MAP2: variants seen among roughly 807,000 people sequenced by gnomAD.
MAP2 encodes the protein microtubule associated protein 2, also known as microtubule-associated protein 2.
A neutral mutation model predicts 137.6 loss-of-function variants in MAP2; 14 were observed. The ratio of observed to expected loss-of-function variants is 0.10; its 90% CI spans 0.07 to 0.16. The LOEUF is 0.16. MAP2 is among the 10% of genes least tolerant of loss of function. MAP2 has a pLI of 1.00. For synonymous variants in MAP2, 786 were observed against 782.3 expected, an observed-to-expected ratio of 1.00 and a Z score of -0.08; for missense variants, 2,088 against 2,191.5, an observed-to-expected ratio of 0.95 and a Z score of 0.94.
Position 209,588,082 on chromosome 2 carries a change from G to A in MAP2, c.-107+7982G>A, listed in dbSNP as rs376340230. Among the ~76,000 whole-genome samples the A allele has an allele frequency of 3.3e-5, 5 of 152,106 alleles. 1 individual carries two copies. In the South Asian group the frequency reaches 8.3e-4, roughly 25 times the overall value. ...GATACTCTAGATGCACATTCAAGTCGAAGCTAAGAAAAATGAGTGTTGTAC... is the reference window on the plus strand; with the variant it reads ...GATACTCTAGATGCACATTCAAGTCAAAGCTAAGAAAAATGAGTGTTGTAC... On this transcript the variant is annotated intron_variant, in intron 3 of 15. Transcript: ENST00000682079.
chr2:209,473,785 A>G (rs1355406364), intron 1 of MAP2, among the ~76,000 whole-genome samples: 2 of 152,154 alleles, frequency 1.3e-5, no homozygotes, highest in Non-Finnish European at 2.9e-5. Flanking sequence ...AGAACTTAGG[A>G]AATAGAACTA....
chr2:209,514,024 A>T (rs999073689), intron 2 of MAP2, among the ~76,000 whole-genome samples: 1 of 152,180 alleles, frequency 6.6e-6, no homozygotes, highest in African/African-American at 2.4e-5. Context: ...TATCCTAAGG[A>T]TTAAATGGTC....
rs538813808 is a variant in MAP2, at chr2:209,521,538, T to C, written c.-172+13897T>C. 2.6e-5 allele frequency among the ~76,000 whole-genome samples: 4 copies of C among 152,124 alleles called. No homozygotes were observed. In the South Asian group the frequency reaches 8.3e-4, roughly 32 times the overall value. On this transcript the variant is annotated intron_variant, in intron 2 of 15. Transcript: ENST00000682079. ...TGTTTATGCTTCCTTCCTTGCTTCTTGTAAACTCTTTAATCTTATTTAAAA... is the reference window on the plus strand; with the variant it reads ...TGTTTATGCTTCCTTCCTTGCTTCTCGTAAACTCTTTAATCTTATTTAAAA...
chr2:209,492,277 A>G (rs1310031898), intron 1 of MAP2, among the ~76,000 whole-genome samples: 2 of 152,224 alleles, frequency 1.3e-5, no homozygotes, highest in African/African-American at 4.8e-5. Context: ...CTAGGTATTG[A>G]TGAAACATAT....
chr2:209,717,033 G>A (rs2067962729), intron 13 of MAP2, among the ~76,000 whole-genome samples: 2 of 152,070 alleles, frequency 1.3e-5, no homozygotes, highest in African/African-American at 2.4e-5. Context: ...GGAGGAAGAA[G>A]GGAATAAAAT....
chr2:209,709,548 G>A (rs907515112), intron 12 of MAP2, among the ~76,000 whole-genome samples: 1 of 151,992 alleles, frequency 6.6e-6, no homozygotes, highest in South Asian at 2.1e-4. Flanking sequence ...AGTAAATATG[G>A]GTCTGCATAC....
intron 2 of MAP2, among the ~76,000 whole-genome samples, chr2:209,564,326 A>G (rs1390254416): frequency 6.6e-6 from 1 of 152,138 alleles, no homozygotes; most frequent in Non-Finnish European, 1.5e-5. Context: ...TTGGTTTTGT[A>G]TGTACAAGAG....
rs1402645623 is a variant in MAP2 at position 209,695,685 on chromosome 2, A to G, written c.3515A>G (p.Glu1172Gly). 1.2e-6 allele frequency: 2 copies of G among 1,613,982 alleles called. No homozygotes were observed. The highest frequency in any genetic ancestry group is 2.7e-5 in the African/African-American group (2 of 74,912). The change falls in exon 8 of 16, where the codon GAA becomes GGA. Residue 1172 changes from glutamate (E) to glycine (G), a missense_variant. Around this residue, in one of 6 missense-constraint regions of MAP2, gnomAD observed 591 missense variants for 642.6 expected, o/e 0.92. Coordinates refer to ENST00000682079, the MANE Select transcript of MAP2 (RefSeq NM_001375505.1). Reference sequence around the variant, plus strand: ...GAGATTGCCGTCAAATTGTCAGTGGAAATACCTTGCCCACCTGCTGTTTCA... The same window carrying G: ...GAGATTGCCGTCAAATTGTCAGTGGGAATACCTTGCCCACCTGCTGTTTCA... ...QDEIAVKLSV[E>G]IPCPPAVSEA... is the part of the protein sequence containing the mutation.
At chr2:209,509,671 C>T (rs2061492235) in intron 2 of MAP2, among the ~76,000 whole-genome samples, 2 of 151,848 alleles carry the variant, frequency 1.3e-5, no homozygotes, top group South Asian at 2.1e-4. Flanking sequence ...TTTTTTTCAA[C>T]TATAACTAAG....
At chr2:209,653,948 A>G (rs2094967584) in intron 5 of MAP2, among the ~76,000 whole-genome samples, 2 of 152,206 alleles carry the variant, frequency 1.3e-5, no homozygotes. Flanking sequence ...TGGTCCCAGA[A>G]CTTCATGAAT....
At chr2:209,618,231 G>A (rs2090121779) in intron 3 of MAP2, among the ~76,000 whole-genome samples, 1 of 152,026 alleles carries the variant, frequency 6.6e-6, no homozygotes, top group South Asian at 2.1e-4. Flanking sequence ...CAGAAAGAAA[G>A]AGAAAGAAGA....
chr2:209,565,289 C>T (rs2153359004), intron 2 of MAP2, among the ~76,000 whole-genome samples: 1 of 152,208 alleles, frequency 6.6e-6, no homozygotes, highest in African/African-American at 2.4e-5. Flanking sequence ...ATGATTATGG[C>T]TTACTGTAGC....
intron 12 of MAP2, among the ~76,000 whole-genome samples, chr2:209,708,796 C>T (rs2064335595): frequency 6.6e-6 from 1 of 151,934 alleles, no homozygotes; most frequent in Admixed American, 6.6e-5. Flanking sequence ...AAATGTAAAT[C>T]CTCAGGGGCT....
intron 5 of MAP2, among the ~76,000 whole-genome samples, chr2:209,678,278 T>C (rs2153683397): frequency 6.6e-6 from 1 of 152,086 alleles, no homozygotes; most frequent in East Asian, 1.9e-4. Flanking sequence ...GACTTCAGAG[T>C]TGAAAATAAA....
intron 3 of MAP2, among the ~76,000 whole-genome samples, chr2:209,613,256 TTTA>T (rs1264927635): frequency 2.5e-5 from 2 of 80,578 alleles, no homozygotes; most frequent in Admixed American, 2.0e-4. Context: ...TCTATTTTTA[TTTA>T]TTTATTTATT....
chr2:209,696,061 C>T lies in MAP2; in HGVS notation c.3891C>T (p.Thr1297=). The T allele has an allele frequency of 6.2e-7, 1 of 1,614,070 alleles. No individual in the cohort carries two copies. The highest frequency in any genetic ancestry group is 8.5e-7 in the Non-Finnish European group (1 of 1,180,010). Residue 1297 remains threonine (T), a synonymous_variant, in exon 8 of 16, where the codon ACC becomes ACT. Coordinates refer to ENST00000682079, the MANE Select transcript of MAP2 (RefSeq NM_001375505.1). ...ATGATTTCATCACTGTAGTGCAAAC[C>T]ACAACTGATGAAGGGGAGTCAGGGT... ...IEDDFITVVQ[T]TTDEGESGSH...
At chr2:209,650,267 C>T (rs1021857333) in intron 4 of MAP2, among the ~76,000 whole-genome samples, 1 of 152,132 alleles carries the variant, frequency 6.6e-6, no homozygotes, top group South Asian at 2.1e-4. Context: ...TTAATAAATA[C>T]GGTGTTAGAA....
In MAP2 at chr2:209,694,653, T is replaced by A. The variant is rs974645338; in HGVS notation, c.2483T>A (p.Val828Asp). The change falls in exon 8 of 16, where the codon GTT becomes GAT. Residue 828 changes from valine to aspartate, a missense_variant. By Grantham distance (152) the Val-to-Asp change is radical. This residue lies in a region of MAP2 where 500 missense variants were observed against 482.9 expected (regional missense o/e 1.04). Coordinates refer to ENST00000682079, the MANE Select transcript of MAP2 (RefSeq NM_001375505.1). ...RLASVSADAE[V>D]ARRKSVPSET... The stretch of plus-strand genomic sequence containing the variant: ...GCTTCTGTGAGTGCAGATGCTGAGG[T>A]TGCCAGGAGGAAATCAGTCCCATCA... The A allele has an allele frequency of 6.2e-7, 1 of 1,613,964 alleles. No individual in the cohort carries two copies. Among genetic ancestry groups the A allele is most frequent in the African/African-American group, 1.3e-5 (1 of 74,896 alleles).
chr2:209,619,356 T>C (rs1644553985), intron 3 of MAP2, among the ~76,000 whole-genome samples: 1 of 152,176 alleles, frequency 6.6e-6, no homozygotes, highest in Non-Finnish European at 1.5e-5. Flanking sequence ...TTCTACAATG[T>C]ATACATATTT....
Sources: allele counts gnomAD v4.1 joint callset (sites outside exome capture counted in the v4.1 genomes callset), GRCh38; gene constraint gnomAD v4.1.1; regional missense constraint gnomAD v4.1.1; transcripts MANE v1.5; gene names NCBI Gene and HGNC (gene_info 2026-07-23, HGNC 2026-07-21).